GABRG2: variants seen among roughly 807,000 people sequenced by gnomAD.
The protein encoded by GABRG2 is gamma-aminobutyric acid type A receptor subunit gamma2.
In GABRG2, 16 loss-of-function variants were observed where a neutral mutation model predicts 56.4. The observed-to-expected ratio is 0.28, with a 90% CI of 0.19 to 0.43. The LOEUF (loss-of-function observed/expected upper bound fraction) is 0.43. Among genes scored for constraint, GABRG2 ranks in the 20% least tolerant of loss-of-function variants. GABRG2 has a pLI of 1.00. For missense variants in GABRG2, 327 were observed against 582.7 expected (o/e 0.56, Z 4.52); for synonymous variants, 208 against 205.5 (o/e 1.01, Z -0.10).
chr5:162,089,345 G>T (rs1043019701), intron 1 of GABRG2, among the ~76,000 whole-genome samples: 1 of 152,092 alleles, frequency 6.6e-6, no homozygotes, highest in African/African-American at 2.4e-5. Flanking sequence ...TGAGAATCTA[G>T]AGTAGCAGTG....
intron 6 of GABRG2, among the ~76,000 whole-genome samples, chr5:162,140,922 G>C (rs1422007451): frequency 1.3e-5 from 2 of 152,156 alleles, no homozygotes; most frequent in Non-Finnish European, 2.9e-5. Context: ...ACTTCAAATT[G>C]TGTCACAATA....
chr5:162,147,497 TG>T (rs1765052370), intron 7 of GABRG2, among the ~76,000 whole-genome samples: 1 of 152,074 alleles, frequency 6.6e-6, no homozygotes, highest in African/African-American at 2.4e-5. Context: ...CTCGAGTAGC[TG>T]GGATTACAGG....
At chr5:162,127,972 G>A (rs1195084893) in intron 6 of GABRG2, among the ~76,000 whole-genome samples, 1 of 152,016 alleles carries the variant, frequency 6.6e-6, no homozygotes, top group Non-Finnish European at 1.5e-5. Context: ...CCTGTGTGAA[G>A]TTATGCAGGA....
chr5:162,094,233 CAGAT>C, intron 2 of GABRG2: 1 of 458,622 alleles, frequency 2.2e-6, no homozygotes, highest in South Asian at 2.5e-5. Flanking sequence ...CTAGATATCT[CAGAT>C]AGAAGCTGTA....
chr5:162,147,255 C>A (rs933988652), intron 7 of GABRG2, among the ~76,000 whole-genome samples: 3 of 148,822 alleles, frequency 2.0e-5, no homozygotes, highest in African/African-American at 7.4e-5. Flanking sequence ...CTCTTTATTT[C>A]TTTCTTTCAT....
chr5:162,135,794 C>T (rs936578093), intron 6 of GABRG2, among the ~76,000 whole-genome samples: 3 of 152,042 alleles, frequency 2.0e-5, no homozygotes, highest in African/African-American at 7.2e-5. Flanking sequence ...GAAGAGGAAG[C>T]AGGGTGAGGA....
Position 162,114,788 on chromosome 5 carries a change from T to C in GABRG2, c.769+10762T>C, listed in dbSNP as rs142094292. 9.7e-3 allele frequency among the ~76,000 whole-genome samples: 1,479 copies of C among 152,322 alleles called. 23 individuals are homozygous for C. The highest frequency in any genetic ancestry group is 0.031 in the Middle Eastern group (9 of 294). ...TTAAGTTCATTCAGTTTATCTCTAC[T>C]GTCCACTTTCATGGAAGATGGATTT... is the stretch of plus-strand genomic sequence containing the variant. On this transcript the variant is annotated intron_variant, in intron 6 of 9. Coordinates refer to ENST00000639213, the MANE Select transcript of GABRG2 (RefSeq NM_198904.4).
chr5:162,092,977 G>C (rs1361455549), intron 1 of GABRG2, among the ~76,000 whole-genome samples: 1 of 152,068 alleles, frequency 6.6e-6, no homozygotes, highest in Non-Finnish European at 1.5e-5. Flanking sequence ...TGGGTTAGGG[G>C]GAGAGGTAAG....
At chr5:162,112,771 A>C (rs1762341816) in intron 6 of GABRG2, among the ~76,000 whole-genome samples, 1 of 152,226 alleles carries the variant, frequency 6.6e-6, no homozygotes, top group South Asian at 2.1e-4. Flanking sequence ...GAGTTTATTT[A>C]CCATTTTCAC....
chr5:162,109,405 T>C (rs1762085021), intron 6 of GABRG2, among the ~76,000 whole-genome samples: 1 of 138,660 alleles, frequency 7.2e-6, no homozygotes, highest in Admixed American at 7.2e-5. Flanking sequence ...TATATATATA[T>C]ATATATATAT....
At chr5:162,140,878 A>C (rs1561658056) in intron 6 of GABRG2, among the ~76,000 whole-genome samples, 1 of 152,234 alleles carries the variant, frequency 6.6e-6, no homozygotes, top group Non-Finnish European at 1.5e-5. Context: ...GTGAAATTTT[A>C]AGAGCAACTT....
At chr5:162,122,597 C>G (rs1763048374) in intron 6 of GABRG2, among the ~76,000 whole-genome samples, 1 of 151,574 alleles carries the variant, frequency 6.6e-6, no homozygotes, top group African/African-American at 2.4e-5. Context: ...TTTTTATCTT[C>G]ATGACAGACC....
At chr5:162,146,033 A>G (rs182221770) in intron 7 of GABRG2, among the ~76,000 whole-genome samples, 2 of 151,274 alleles carry the variant, frequency 1.3e-5, no homozygotes, top group African/African-American at 4.9e-5. Context: ...GCACATTTTT[A>G]AATTTAATCT....
chr5:162,127,759 C>A (rs1038645080), intron 6 of GABRG2, among the ~76,000 whole-genome samples: 1 of 151,972 alleles, frequency 6.6e-6, no homozygotes, highest in African/African-American at 2.4e-5. Context: ...TGCTTTCTAT[C>A]AGATCAATCA....
At chr5:162,103,102 TA>T (rs1761554418) in intron 5 of GABRG2, 1 of 153,858 alleles carries the variant, frequency 6.5e-6, no homozygotes, top group Non-Finnish European at 1.4e-5. Flanking sequence ...ATTCAACAAA[TA>T]TACATTGACC....
chr5:162,147,928 C>T (rs565188242), intron 7 of GABRG2, among the ~76,000 whole-genome samples: 17 of 152,246 alleles, frequency 1.1e-4, no homozygotes, highest in Non-Finnish European at 2.1e-4. Context: ...GATAGGTGGA[C>T]CTTCAAAGAG....
At position 162,102,640 on chromosome 5, in the gene GABRG2, C is replaced by G. The variant is rs774394343; in HGVS notation, c.632-1249C>G. 81 of 452,962 alleles carry G rather than the reference C, an allele frequency of 1.8e-4. 3 individuals carry two copies. Among genetic ancestry groups the G allele is most frequent in the South Asian group, 1.2e-3 (78 of 64,330 alleles). The allele number at this position is 452,962 out of a possible 1,614,324, so 28.1% of individuals were successfully genotyped here. ...TCGCTTCTGGGGCTCAACTGATCCT[C>G]CCACCTTGGCCTCCAGAGTAGCTGG... is the stretch of plus-strand genomic sequence containing the variant. On this transcript the variant is annotated intron_variant, in intron 5 of 9. Transcript: ENST00000639213.
chr5:162,089,424 G>A (rs1375685150), intron 1 of GABRG2, among the ~76,000 whole-genome samples: 1 of 152,062 alleles, frequency 6.6e-6, no homozygotes, highest in African/African-American at 2.4e-5. Context: ...ACAATTTAGA[G>A]GTGACAATGG....
At chr5:162,151,883 A>G (rs1765400470) in intron 9 of GABRG2, 130 bp downstream of exon 9, 1 of 818,678 alleles carries the variant, frequency 1.2e-6, no homozygotes, top group African/African-American at 1.7e-5. Context: ...ATGTTGGAGA[A>G]AGTTCTACAG....
Sources: allele counts gnomAD v4.1 joint callset (sites outside exome capture counted in the v4.1 genomes callset), GRCh38; gene constraint gnomAD v4.1.1; transcripts MANE v1.5; gene names NCBI Gene and HGNC (gene_info 2026-07-23, HGNC 2026-07-21).